The following FRMD4B variants were observed in gnomAD, a reference collection of about 807,000 sequenced individuals.
FRMD4B encodes the protein FERM domain-containing protein 4B.
Under a neutral mutation model 141.5 loss-of-function variants are expected in FRMD4B, and 74 were observed. The ratio of observed to expected loss-of-function variants is 0.52; its 90% CI spans 0.43 to 0.63. The LOEUF (loss-of-function observed/expected upper bound fraction) is 0.63, where lower values mean the gene tolerates loss of function less well. Among genes scored for constraint, FRMD4B ranks in the 30% least tolerant of loss-of-function variants. The pLI is 0.00. For synonymous variants in FRMD4B, 506 were observed against 467.9 expected (o/e 1.08, Z -1.05); for missense variants, 1,366 against 1,253.4 (o/e 1.09, Z -1.36).
At chr3:69,488,375 T>C (rs1706251772) in intron 1 of FRMD4B, among the ~76,000 whole-genome samples, 1 of 152,198 alleles carries the variant, frequency 6.6e-6, no homozygotes, top group Non-Finnish European at 1.5e-5. Flanking sequence ...CACATCATGT[T>C]AGAAAGATGG....
chr3:69,226,360 C>T (rs1385935494), intron 7 of FRMD4B, among the ~76,000 whole-genome samples: 6 of 151,878 alleles, frequency 4.0e-5, no homozygotes, highest in Non-Finnish European at 4.4e-5. Context: ...GGTCAACTGT[C>T]AACTCCCAGT....
chr3:69,450,884 CACTAA>C (rs1476429578), intron 1 of FRMD4B, among the ~76,000 whole-genome samples: 1 of 152,180 alleles, frequency 6.6e-6, no homozygotes, highest in African/African-American at 2.4e-5. Flanking sequence ...ATGGCCTTCC[CACTAA>C]ACTAAACTTT....
At chr3:69,482,929 T>C (rs550586027) in intron 1 of FRMD4B, among the ~76,000 whole-genome samples, 2 of 152,336 alleles carry the variant, frequency 1.3e-5, no homozygotes, top group South Asian at 4.1e-4. Context: ...CCCCCTGTTG[T>C]ACAGAAAGAG....
At chr3:69,180,838 G>T in intron 21 of FRMD4B, 61 bp downstream of exon 21, 2 of 1,237,332 alleles carry the variant, frequency 1.6e-6, no homozygotes, top group Non-Finnish European at 1.2e-6. Flanking sequence ...GCGGTTTTAG[G>T]TGGGCAGGAA....
chr3:69,351,407 T>G (rs1396852542), intron 1 of FRMD4B, among the ~76,000 whole-genome samples: 3 of 152,270 alleles, frequency 2.0e-5, no homozygotes, highest in African/African-American at 7.2e-5. Context: ...GTTGCCAAAA[T>G]ATTTTTGAAA....
intron 1 of FRMD4B, among the ~76,000 whole-genome samples, chr3:69,444,201 G>A (rs1705380548): frequency 6.6e-6 from 1 of 152,128 alleles, no homozygotes; most frequent in East Asian, 1.9e-4. Context: ...TTGAGTAACA[G>A]CCCCAATCCT....
chr3:69,251,688 C>T (rs906157372), intron 5 of FRMD4B, among the ~76,000 whole-genome samples: 2 of 152,178 alleles, frequency 1.3e-5, no homozygotes, highest in African/African-American at 2.4e-5. Context: ...ATTCAAAGCT[C>T]GCCCATAATC....
At chr3:69,409,245 C>G (rs1559519248) in intron 2 of FRMD4B, among the ~76,000 whole-genome samples, 1 of 152,136 alleles carries the variant, frequency 6.6e-6, no homozygotes, top group Admixed American at 6.5e-5. Flanking sequence ...CAGTCTTTAC[C>G]CTAGAGCTAG....
chr3:69,317,290 G>C (rs1250214891), intron 1 of FRMD4B, among the ~76,000 whole-genome samples: 1 of 152,122 alleles, frequency 6.6e-6, no homozygotes, highest in Non-Finnish European at 1.5e-5. Context: ...ATTGGGCAAG[G>C]GATAGATACT....
At chr3:69,292,133 A>G (rs1700895433) in intron 4 of FRMD4B, among the ~76,000 whole-genome samples, 1 of 152,176 alleles carries the variant, frequency 6.6e-6, no homozygotes, top group Admixed American at 6.5e-5. Context: ...TTCCTACAAT[A>G]ACAATCAAAA....
At chr3:69,455,519 C>T (rs1360202991) in intron 1 of FRMD4B, among the ~76,000 whole-genome samples, 8 of 152,130 alleles carry the variant, frequency 5.3e-5, no homozygotes, top group Non-Finnish European at 1.2e-4. Flanking sequence ...CCTTCTGAAG[C>T]CAGCGAGACC....
At chr3:69,398,481 C>T (rs1259678228) in intron 2 of FRMD4B, among the ~76,000 whole-genome samples, 2 of 152,194 alleles carry the variant, frequency 1.3e-5, no homozygotes, top group Admixed American at 6.5e-5. Flanking sequence ...TGCTATAGAA[C>T]ACCAGAATGC....
At chr3:69,542,207 TG>T (rs1241081523) in exon 1 of FRMD4B, 3 of 151,976 alleles carry the variant, frequency 2.0e-5, no homozygotes, top group African/African-American at 7.2e-5. Flanking sequence ...CCCACCTACC[TG>T]CTCCGCCACC....
chr3:69,224,705 A>C lies in FRMD4B; in HGVS notation c.582-15T>G, dbSNP rs763990972. On this transcript the variant is annotated splice_polypyrimidine_tract_variant and intron_variant, in intron 7 of 22. Coordinates refer to ENST00000398540, the MANE Select transcript of FRMD4B (RefSeq NM_015123.3). The stretch of plus-strand genomic sequence containing the variant: ...CATTTTCATCACTAAAAAGAAATGG[A>C]ATATGGTAATGTCAGGTACTGTTAT... 7.7e-6 allele frequency: 10 copies of C among 1,293,746 alleles called. No individual in the cohort carries two copies. The highest frequency in any genetic ancestry group is 2.9e-5 in the African/African-American group (2 of 68,790). 80.1% of individuals were successfully genotyped at this position (1,293,746 alleles called of 1,614,324 possible). A position where few individuals can be genotyped will look rare whatever the true frequency, so the allele number is the denominator to read the frequency against.
At chr3:69,277,999 G>T (rs1332424329) in intron 5 of FRMD4B, among the ~76,000 whole-genome samples, 8 of 151,876 alleles carry the variant, frequency 5.3e-5, no homozygotes, top group African/African-American at 1.9e-4. Context: ...GGGACTACAG[G>T]TGTCTGCCAC....
At chr3:69,240,307 C>T (rs2093372244) in intron 7 of FRMD4B, among the ~76,000 whole-genome samples, 1 of 150,718 alleles carries the variant, frequency 6.6e-6, no homozygotes, top group African/African-American at 2.4e-5. Flanking sequence ...TGGTGAAAAC[C>T]CATCTCTACT....
intron 1 of FRMD4B, among the ~76,000 whole-genome samples, chr3:69,339,358 C>T (rs764438958): frequency 7.2e-5 from 11 of 152,102 alleles, no homozygotes; most frequent in Non-Finnish European, 1.3e-4. Context: ...AACCTGTGTG[C>T]GAGACCTAAC....
At position 69,520,030 on chromosome 3, in the gene FRMD4B, TCA is replaced by T. The variant is rs1559552162; in HGVS notation, c.-129+22174_-129+22175del. ...TATATATATATATATATATATTCCATCATATATATATATTCCATCCATATATA... is the reference window on the plus strand; with the variant it reads ...TATATATATATATATATATATTCCATTATATATATATTCCATCCATATATA... On this transcript the variant is annotated intron_variant, in intron 1 of 5. Coordinates refer to the FRMD4B transcript ENST00000459638. 2.1e-4 allele frequency among the ~76,000 whole-genome samples: 22 copies of T among 104,980 alleles called. 1 individual carries two copies. Among genetic ancestry groups the T allele is most frequent in the African/African-American group, 1.0e-3 (21 of 20,510 alleles). The allele number at this position is 104,980 out of a possible 152,430, so 68.9% of individuals were successfully genotyped here. A position where few individuals can be genotyped will look rare whatever the true frequency, so the allele number is the denominator to read the frequency against.
intron 11 of FRMD4B, among the ~76,000 whole-genome samples, chr3:69,206,521 G>A (rs549546533): frequency 1.3e-5 from 2 of 152,290 alleles, no homozygotes; most frequent in South Asian, 2.1e-4. Context: ...CTCTGTGGCC[G>A]AATCTCTAAC....
Sources: gnomAD v4.1 joint callset for allele counts (sites outside exome capture counted in the v4.1 genomes callset) on GRCh38, gnomAD v4.1.1 for gene constraint, MANE v1.5 for transcripts, NCBI Gene and HGNC (gene_info 2026-07-23, HGNC 2026-07-21) for gene names.